MAN1A1: variants seen among roughly 807,000 people sequenced by gnomAD.
The protein encoded by MAN1A1 is mannosyl-oligosaccharide 1,2-alpha-mannosidase IA.
In MAN1A1, 29 loss-of-function variants were observed where a neutral mutation model predicts 70.8. The ratio of observed to expected loss-of-function variants is 0.41; its 90% CI spans 0.31 to 0.56. The LOEUF (loss-of-function observed/expected upper bound fraction) is 0.56, where lower values mean the gene tolerates loss of function less well. MAN1A1 is among the 20% of genes least tolerant of loss of function. MAN1A1 has a pLI of 0.29. For missense variants in MAN1A1, 747 were observed against 841.3 expected (o/e 0.89, Z 1.39); for synonymous variants, 349 against 330.1 (o/e 1.06, Z -0.62).
intron 4 of MAN1A1, among the ~76,000 whole-genome samples, chr6:119,296,057 A>G: frequency 6.6e-6 from 1 of 152,316 alleles, no homozygotes; most frequent in South Asian, 2.1e-4. Flanking sequence ...ATGATACTTC[A>G]AAGTGTGTGC....
intron 2 of MAN1A1, among the ~76,000 whole-genome samples, chr6:119,316,119 G>A (rs1772845169): frequency 6.6e-6 from 1 of 151,422 alleles, no homozygotes; most frequent in South Asian, 2.1e-4. Context: ...AACATGGGAA[G>A]CATCAGCAAC....
chr6:119,179,775 A>G lies in MAN1A1; in HGVS notation c.*44T>C. Reference sequence around the variant, plus strand: ...TTACCAGAAAAGGAATTATTAAGGTATACAGTGAAGGGAATGGAGCAGAAT... The same window carrying G: ...TTACCAGAAAAGGAATTATTAAGGTGTACAGTGAAGGGAATGGAGCAGAAT... On this transcript the variant is annotated 3_prime_UTR_variant, in exon 13 of 13. Transcript: ENST00000368468. 1 of 1,560,748 alleles carries G rather than the reference A, an allele frequency of 6.4e-7. No homozygotes were observed. Among genetic ancestry groups the G allele is most frequent in the Non-Finnish European group, 8.8e-7 (1 of 1,134,970 alleles).
At chr6:119,334,774 G>A (rs1023904149) in intron 2 of MAN1A1, among the ~76,000 whole-genome samples, 2 of 152,186 alleles carry the variant, frequency 1.3e-5, no homozygotes, top group African/African-American at 4.8e-5. Flanking sequence ...AGCACCATAT[G>A]CCTAATTATT....
intron 5 of MAN1A1, among the ~76,000 whole-genome samples, chr6:119,264,458 A>T (rs1432755764): frequency 6.6e-6 from 1 of 152,254 alleles, no homozygotes; most frequent in Non-Finnish European, 1.5e-5. Context: ...ATATTAAACC[A>T]TGAGGTCCTG....
At chr6:119,315,218 T>C (rs533860038) in intron 2 of MAN1A1, among the ~76,000 whole-genome samples, 20 of 152,368 alleles carry the variant, frequency 1.3e-4, no homozygotes, top group Admixed American at 5.2e-4. Flanking sequence ...CCAATTTTAA[T>C]GTACTTCTAA....
At chr6:119,317,826 T>A (rs780177867) in intron 2 of MAN1A1, among the ~76,000 whole-genome samples, 3 of 151,990 alleles carry the variant, frequency 2.0e-5, no homozygotes, top group Non-Finnish European at 4.4e-5. Context: ...GAAGGTAGAA[T>A]TCATAAAAAT....
intron 6 of MAN1A1, among the ~76,000 whole-genome samples, chr6:119,232,516 T>A (rs1272822308): frequency 1.3e-5 from 2 of 152,122 alleles, no homozygotes; most frequent in African/African-American, 2.4e-5. Flanking sequence ...CTTCCCTGCC[T>A]TTGCCCTGAG....
chr6:119,311,962 G>A (rs985534768), intron 2 of MAN1A1, among the ~76,000 whole-genome samples: 6 of 152,160 alleles, frequency 3.9e-5, no homozygotes, highest in African/African-American at 1.2e-4. Flanking sequence ...GTTTGGTGTT[G>A]GCGGGCTCTT....
At chr6:119,288,042 T>A (rs1776426192) in intron 5 of MAN1A1, among the ~76,000 whole-genome samples, 1 of 152,056 alleles carries the variant, frequency 6.6e-6, no homozygotes, top group Non-Finnish European at 1.5e-5. Context: ...CAAAGTTTAC[T>A]ACAGGTACTT....
intron 2 of MAN1A1, among the ~76,000 whole-genome samples, chr6:119,308,012 A>G (rs1210804122): frequency 6.6e-6 from 1 of 152,136 alleles, no homozygotes; most frequent in Non-Finnish European, 1.5e-5. Context: ...TTCCTAACTC[A>G]CCACTATTAC....
At chr6:119,248,383 T>C in intron 5 of MAN1A1, 29 bp from the exon 6 acceptor site, 1 of 1,216,712 alleles carries the variant, frequency 8.2e-7, no homozygotes, top group Non-Finnish European at 1.2e-6. Flanking sequence ...AACTGTAAGC[T>C]ACTGTTGCAA....
rs577692432 is a variant in MAN1A1 at position 119,275,688 on chromosome 6, C to T, written c.897+14995G>A. On this transcript the variant is annotated intron_variant, in intron 5 of 12. Transcript: ENST00000368468. ...AACTCTTGACCTCAGGTGATTCGCT[C>T]GCCTTGGCCTCCCAAAGTGCTGGGA... 3.9e-5 allele frequency among the ~76,000 whole-genome samples: 6 copies of T among 152,230 alleles called. No individual in the cohort carries two copies. In the South Asian group the frequency reaches 1.2e-3, roughly 32 times the overall value.
chr6:119,256,421 T>TC (rs1275736566), intron 5 of MAN1A1, among the ~76,000 whole-genome samples: 2 of 151,626 alleles, frequency 1.3e-5, no homozygotes, highest in East Asian at 3.9e-4. Context: ...ATTATTTTTT[T>TC]TTTTTTCATG....
intron 11 of MAN1A1, among the ~76,000 whole-genome samples, chr6:119,185,844 GTTT>G (rs63362861): frequency 3.6e-4 from 48 of 132,134 alleles, no homozygotes; most frequent in African/African-American, 1.2e-3. Flanking sequence ...TGGCCTCCCA[GTTT>G]TTTTTTTTTT....
intron 5 of MAN1A1, among the ~76,000 whole-genome samples, chr6:119,284,883 A>G (rs1349989696): frequency 6.6e-6 from 1 of 152,196 alleles, no homozygotes; most frequent in Admixed American, 6.5e-5. Flanking sequence ...AAAATATTGT[A>G]AAGAATTTAA....
At chr6:119,322,942 TTC>T in intron 2 of MAN1A1, among the ~76,000 whole-genome samples, 1 of 152,322 alleles carries the variant, frequency 6.6e-6, no homozygotes, top group South Asian at 2.1e-4. Flanking sequence ...ACAGAAGACG[TTC>T]TCTGTTCTAA....
chr6:119,191,200 C>CGACT, intron 9 of MAN1A1, among the ~76,000 whole-genome samples: 1 of 152,126 alleles, frequency 6.6e-6, no homozygotes, highest in East Asian at 1.9e-4. Flanking sequence ...TTATTTTATG[C>CGACT]GACTGAACAT....
intron 5 of MAN1A1, among the ~76,000 whole-genome samples, chr6:119,265,568 C>T (rs536694153): frequency 1.3e-5 from 2 of 152,192 alleles, no homozygotes; most frequent in East Asian, 3.9e-4. Context: ...TCTTTCCAAA[C>T]TCTTCACACA....
intron 6 of MAN1A1, among the ~76,000 whole-genome samples, chr6:119,205,268 A>G (rs1410672466): frequency 6.6e-6 from 1 of 152,216 alleles, no homozygotes; most frequent in Non-Finnish European, 1.5e-5. Context: ...TTTCAGCCTA[A>G]GAGACCAAGG....
Sources: gnomAD v4.1 joint callset for allele counts (sites outside exome capture counted in the v4.1 genomes callset) on GRCh38, gnomAD v4.1.1 for gene constraint, MANE v1.5 for transcripts, NCBI Gene and HGNC (gene_info 2026-07-23, HGNC 2026-07-21) for gene names.